The following GPHN variants were observed in gnomAD, a reference collection of about 807,000 sequenced individuals.
GPHN encodes the protein gephyrin.
GPHN carries 17 observed loss-of-function variants against 95.5 expected under a neutral mutation model. The observed-to-expected ratio is 0.18, with a 90% CI of 0.12 to 0.27. The LOEUF (loss-of-function observed/expected upper bound fraction) is 0.27, where lower values mean the gene tolerates loss of function less well. GPHN is among the 10% of genes least tolerant of loss of function. The pLI, the probability that GPHN is intolerant of heterozygous loss-of-function variation, is 1.00. For synonymous variants in GPHN, 320 were observed against 322.5 expected, an observed-to-expected ratio of 0.99 and a Z score of 0.08; for missense variants, 660 against 978.1, an observed-to-expected ratio of 0.67 and a Z score of 4.34.
the GPHN span, among the ~76,000 whole-genome samples, chr14:67,299,049 A>C: frequency 1.3e-5 from 2 of 152,170 alleles, no homozygotes; most frequent in Non-Finnish European, 1.5e-5. Flanking sequence ...AATATCCCAC[A>C]ATTTGACCAC....
At chr14:67,095,693 A>G (rs1241133222) in intron 12 of GPHN, among the ~76,000 whole-genome samples, 3 of 151,392 alleles carry the variant, frequency 2.0e-5, no homozygotes, top group Non-Finnish European at 4.4e-5. Context: ...AAAACCAAAC[A>G]CCGCATGTTC....
At chr14:67,296,450 A>T in the GPHN span, among the ~76,000 whole-genome samples, 2 of 151,778 alleles carry the variant, frequency 1.3e-5, no homozygotes, top group Admixed American at 6.6e-5. Context: ...AATACAAAAA[A>T]ATTAGGCGGG....
chr14:67,521,612 A>G, the GPHN span, among the ~76,000 whole-genome samples: 1 of 152,222 alleles, frequency 6.6e-6, no homozygotes, highest in East Asian at 1.9e-4. Flanking sequence ...GTATTCATGA[A>G]CACCTTGAGC....
intron 1 of GPHN, among the ~76,000 whole-genome samples, chr14:66,558,056 G>C (rs753511411): frequency 1.3e-5 from 2 of 151,966 alleles, no homozygotes; most frequent in Non-Finnish European, 1.5e-5. Flanking sequence ...CCTTTGAAAA[G>C]TTACAAAAAC....
the GPHN span, among the ~76,000 whole-genome samples, chr14:67,733,229 G>C: frequency 6.6e-6 from 1 of 152,102 alleles, no homozygotes; most frequent in Non-Finnish European, 1.5e-5. Flanking sequence ...AAGCAAATCT[G>C]GAGGGCTTGG....
chr14:67,002,548 C>T (rs2072306471), intron 9 of GPHN, among the ~76,000 whole-genome samples: 1 of 151,148 alleles, frequency 6.6e-6, no homozygotes, highest in African/African-American at 2.4e-5. Context: ...TACTGAAGAT[C>T]AATTTAACAT....
At chr14:67,451,182 G>A in the GPHN span, among the ~76,000 whole-genome samples, 15 of 152,370 alleles carry the variant, frequency 9.8e-5, 1 homozygote, top group Admixed American at 9.1e-4. Context: ...AAAATGTAGG[G>A]AAATGCCTGG....
At chr14:66,631,034 CT>C (rs372764568) in intron 1 of GPHN, among the ~76,000 whole-genome samples, 4 of 147,136 alleles carry the variant, frequency 2.7e-5, no homozygotes, top group Non-Finnish European at 4.5e-5. Flanking sequence ...TGCAGTCGTT[CT>C]TTTTTTTTGT....
intron 17 of GPHN, among the ~76,000 whole-genome samples, chr14:67,135,693 T>C (rs2080037445): frequency 6.6e-6 from 1 of 150,566 alleles, no homozygotes; most frequent in East Asian, 1.9e-4. Flanking sequence ...TTGTTTTGCT[T>C]TTTTTTTTAA....
At chr14:66,536,980 G>A (rs944711718) in intron 1 of GPHN, among the ~76,000 whole-genome samples, 4 of 152,048 alleles carry the variant, frequency 2.6e-5, no homozygotes, top group Admixed American at 2.6e-4. Flanking sequence ...TGACCTTTTT[G>A]TCATTATGAA....
chr14:67,579,195 G>A, the GPHN span: 878 of 1,610,144 alleles, frequency 5.5e-4, no homozygotes, highest in Non-Finnish European at 6.4e-4. Flanking sequence ...CCTGCGGACC[G>A]GGGAGCGGGA....
the GPHN span, among the ~76,000 whole-genome samples, chr14:67,367,317 G>A: frequency 3.9e-5 from 6 of 152,256 alleles, no homozygotes; most frequent in African/African-American, 7.2e-5. Context: ...TGCAACCTCC[G>A]ACTCCCTGGT....
At chr14:67,114,197 A>C (rs567417046) in intron 16 of GPHN, among the ~76,000 whole-genome samples, 1 of 152,202 alleles carries the variant, frequency 6.6e-6, no homozygotes, top group Non-Finnish European at 1.5e-5. Flanking sequence ...TCCAAAAACT[A>C]TTGATTGACA....
chr14:66,518,080 A>G (rs996722566), intron 1 of GPHN, among the ~76,000 whole-genome samples: 3 of 150,758 alleles, frequency 2.0e-5, no homozygotes, highest in Non-Finnish European at 4.4e-5. Flanking sequence ...AAGAAACTCA[A>G]ACATCTTAAC....
the GPHN span, among the ~76,000 whole-genome samples, chr14:67,716,208 A>G: frequency 5.1e-4 from 78 of 151,838 alleles, no homozygotes; most frequent in Non-Finnish European, 7.2e-4. Context: ...AAAAAAAAAA[A>G]AAGAAAAGAA....
At chr14:66,654,315 G>A (rs764755808) in intron 1 of GPHN, among the ~76,000 whole-genome samples, 6 of 151,986 alleles carry the variant, frequency 3.9e-5, no homozygotes, top group Non-Finnish European at 5.9e-5. Context: ...CTATGGTCTC[G>A]AACCCCTGGC....
chr14:67,183,191 A>C (rs2083347596), downstream of GPHN, among the ~76,000 whole-genome samples: 1 of 152,174 alleles, frequency 6.6e-6, no homozygotes. Flanking sequence ...AAACATATGA[A>C]ATGTGCTGAG....
At chr14:66,790,289 G>A (rs1448973397) in intron 3 of GPHN, among the ~76,000 whole-genome samples, 1 of 152,126 alleles carries the variant, frequency 6.6e-6, no homozygotes, top group Non-Finnish European at 1.5e-5. Flanking sequence ...GAGGAGAGGT[G>A]AATCAACAAA....
chr14:67,690,943 C>A, the GPHN span: 2 of 578,694 alleles, frequency 3.5e-6, no homozygotes, highest in African/African-American at 3.7e-5. Flanking sequence ...ATCTAAATCA[C>A]AGATTAAAAA....
Sources: gnomAD v4.1 joint callset for allele counts (sites outside exome capture counted in the v4.1 genomes callset) on GRCh38, gnomAD v4.1.1 for gene constraint, MANE v1.5 for transcripts, NCBI Gene and HGNC (gene_info 2026-07-23, HGNC 2026-07-21) for gene names.